The following SNRNP70 variants were observed in gnomAD, a reference collection of about 807,000 sequenced individuals.
SNRNP70 encodes the protein small nuclear ribonucleoprotein U1 subunit 70.
Under a neutral mutation model 50.5 loss-of-function variants are expected in SNRNP70, and 8 were observed. The observed-to-expected ratio is 0.16, with a 90% CI of 0.09 to 0.29. The LOEUF (loss-of-function observed/expected upper bound fraction) is 0.29. Ranked by LOEUF, SNRNP70 falls within the 10% of genes least tolerant of loss-of-function variation. SNRNP70 has a pLI of 1.00. For missense variants in SNRNP70, 529 were observed against 663.5 expected (o/e 0.80, Z 2.23); for synonymous variants, 320 against 252.9 (o/e 1.27, Z -2.52).
intron 4 of SNRNP70, among the ~76,000 whole-genome samples, chr19:49,091,326 G>GA (rs2040444637): frequency 6.6e-6 from 1 of 151,378 alleles, no homozygotes; most frequent in Non-Finnish European, 1.5e-5. Flanking sequence ...CCGGGATCGC[G>GA]TCGGCTCACT....
At position 49,107,609 on chromosome 19, in the gene SNRNP70, G is replaced by C. The variant is rs1324755571; in HGVS notation, c.578-16G>C. 1 of 1,612,822 alleles carries C rather than the reference G, an allele frequency of 6.2e-7. No individual in the cohort carries two copies. The highest frequency in any genetic ancestry group is 1.1e-5 in the South Asian group (1 of 91,032). ...CCCTGCCCAGATTCACCCTCTGTCC[G>C]TCTGCCCTGCCCCAGGAGGAGGCCT... On this transcript the variant is annotated splice_polypyrimidine_tract_variant and intron_variant, in intron 8 of 9. Transcript: ENST00000598441. The surrounding 1 kb of genome is among the most constrained non-coding windows in gnomAD (Gnocchi z 6.0).
intron 7 of SNRNP70, among the ~76,000 whole-genome samples, chr19:49,101,926 C>T (rs934203820): frequency 2.6e-5 from 4 of 151,524 alleles, no homozygotes; most frequent in Admixed American, 6.6e-5. Context: ...CCAACCCTGG[C>T]CCCCCACCCT....
At chr19:49,095,176 G>A (rs957369373) in intron 4 of SNRNP70, among the ~76,000 whole-genome samples, 2 of 152,192 alleles carry the variant, frequency 1.3e-5, no homozygotes, top group Non-Finnish European at 2.9e-5. Context: ...CCCCCACCCC[G>A]GGTAAGCAAG....
chr19:49,099,838 C>G (rs2040559820), intron 6 of SNRNP70, among the ~76,000 whole-genome samples: 1 of 152,118 alleles, frequency 6.6e-6, no homozygotes, highest in Admixed American at 6.5e-5. Context: ...GGTCAGGAGG[C>G]AAGACCAGCC....
intron 4 of SNRNP70, among the ~76,000 whole-genome samples, chr19:49,092,544 G>A (rs1026505220): frequency 6.6e-6 from 1 of 152,108 alleles, no homozygotes; most frequent in Non-Finnish European, 1.5e-5. Flanking sequence ...GAGCAGCTGG[G>A]ACTACAGGCG....
At position 49,108,263 on chromosome 19, in the gene SNRNP70, C is replaced by G; in HGVS notation, c.1134C>G (p.His378Gln). The G allele has an allele frequency of 6.4e-7, 1 of 1,553,144 alleles. No homozygotes were observed. Among genetic ancestry groups the G allele is most frequent in the Middle Eastern group, 1.7e-4 (1 of 5,946 alleles). ...GTGACCGTGACCGTGACCGCGAGCACAAACGGGGGGAGCGGGGCAGTGAGC... is the reference window on the plus strand; with the variant it reads ...GTGACCGTGACCGTGACCGCGAGCAGAAACGGGGGGAGCGGGGCAGTGAGC... ...RDRDRDRDRE[H>Q]KRGERGSERG... The change falls in exon 10 of 10, where the codon CAC becomes CAG. Residue 378 changes from histidine (H) to glutamine (Q), a missense_variant. Transcript: ENST00000598441.
At chr19:49,098,781 G>A (rs2040544674) in intron 6 of SNRNP70, 77 bp downstream of exon 6, 1 of 1,188,950 alleles carries the variant, frequency 8.4e-7, no homozygotes, top group African/African-American at 1.5e-5. Context: ...AGGGAGAGAG[G>A]TCCCAGCCCT....
At chr19:49,096,258 T>C (rs1339071620) in intron 4 of SNRNP70, among the ~76,000 whole-genome samples, 2 of 151,632 alleles carry the variant, frequency 1.3e-5, no homozygotes, top group Non-Finnish European at 2.9e-5. Context: ...GGTTTCGCCA[T>C]GTTTGCCAGG....
chr19:49,099,794 C>T (rs2040559270), intron 6 of SNRNP70, among the ~76,000 whole-genome samples: 1 of 151,774 alleles, frequency 6.6e-6, no homozygotes, highest in Non-Finnish European at 1.5e-5. Context: ...TGTAATCCCA[C>T]ATGTTGGGAG....
At chr19:49,100,810 A>G (rs75371808) in intron 6 of SNRNP70, among the ~76,000 whole-genome samples, 4 of 145,510 alleles carry the variant, frequency 2.7e-5, no homozygotes, top group African/African-American at 1.0e-4. Flanking sequence ...TGTCTCCAAA[A>G]AAAAAAAAAA....
intron 2 of SNRNP70, among the ~76,000 whole-genome samples, chr19:49,087,083 G>A (rs2040390858): frequency 6.6e-6 from 1 of 150,998 alleles, no homozygotes; most frequent in South Asian, 2.1e-4. Flanking sequence ...GGGAGGCTGA[G>A]GCACGGGAAT....
At position 49,107,224 on chromosome 19, in the gene SNRNP70, T is replaced by C. The variant is rs2040682599; in HGVS notation, c.578-401T>C. 6.6e-6 allele frequency among the ~76,000 whole-genome samples: 1 copy of C among 152,184 alleles called. No individual in the cohort carries two copies. Among genetic ancestry groups the C allele is most frequent in the Non-Finnish European group, 1.5e-5 (1 of 68,026 alleles). On this transcript the variant is annotated intron_variant, in intron 8 of 9. Coordinates refer to ENST00000598441, the MANE Select transcript of SNRNP70 (RefSeq NM_003089.6). This position sits in a 1 kb window ranked among gnomAD's most constrained non-coding sequence, Gnocchi z 6.0. ...CTCTACCACCAGTTGACGAGGAGTT[T>C]GGACCTTAGGCTGGGGGACGCCAGC...
At chr19:49,096,985 C>T (rs1045483868) in intron 4 of SNRNP70, among the ~76,000 whole-genome samples, 8 of 152,006 alleles carry the variant, frequency 5.3e-5, no homozygotes, top group African/African-American at 9.7e-5. Flanking sequence ...CAAAAATTAG[C>T]TGGATGTGGT....
chr19:49,091,814 A>G (rs942658400), intron 4 of SNRNP70, among the ~76,000 whole-genome samples: 2 of 152,180 alleles, frequency 1.3e-5, no homozygotes, highest in African/African-American at 4.8e-5. Context: ...TCTCAGACTC[A>G]GTGTCCAAAC....
At chr19:49,086,616 G>A (rs1205881403) in intron 2 of SNRNP70, 55 bp downstream of exon 2, 26 of 1,549,460 alleles carry the variant, frequency 1.7e-5, no homozygotes, top group Non-Finnish European at 2.0e-5. Context: ...CAACGGGTTG[G>A]ATTTGCGAGT....
At position 49,104,140 on chromosome 19, in the gene SNRNP70, CA is replaced by C. The variant is rs111530891; in HGVS notation, c.476-486del. ...TGTTCCCCCCACACTCACCCCCCTC[CA>C]AAAAAAACAAAAACAGAAAAAACCG... On this transcript the variant is annotated intron_variant, in intron 7 of 9. Coordinates refer to ENST00000598441, the MANE Select transcript of SNRNP70 (RefSeq NM_003089.6). This position sits in a 1 kb window ranked among gnomAD's most constrained non-coding sequence, Gnocchi z 5.4. 7 of 152,366 alleles carry C rather than the reference CA, an allele frequency of 4.6e-5. No individual in the cohort carries two copies. Among genetic ancestry groups the C allele is most frequent in the Non-Finnish European group, 7.2e-5 (5 of 68,982 alleles). 9.4% of individuals were successfully genotyped at this position (152,366 alleles called of 1,614,324 possible).
At position 49,099,857 on chromosome 19, in the gene SNRNP70, A is replaced by G. The variant is rs189756726; in HGVS notation, c.393+1153A>G. Among the ~76,000 whole-genome samples the G allele has an allele frequency of 4.0e-3, 612 of 152,350 alleles. 3 individuals are homozygous for G. Among genetic ancestry groups the G allele is most frequent in the African/African-American group, 0.014 (583 of 41,584 alleles). On this transcript the variant is annotated intron_variant, in intron 6 of 9. Coordinates refer to ENST00000598441, the MANE Select transcript of SNRNP70 (RefSeq NM_003089.6). ...AGGAGGCAAGACCAGCCTGGCCAAC[A>G]TGGCGAAACCCCGTCTCTACAAAAA...
At position 49,104,464 on chromosome 19, in the gene SNRNP70, C is replaced by A. The variant is rs755296344; in HGVS notation, c.476-170C>A. On this transcript the variant is annotated intron_variant, in intron 7 of 9. Coordinates refer to ENST00000598441, the MANE Select transcript of SNRNP70 (RefSeq NM_003089.6). This position sits in a 1 kb window ranked among gnomAD's most constrained non-coding sequence, Gnocchi z 5.4. ...ACGCTGAGATGGAGCAGGCCCTTCA[C>A]CGGTTTGGGAGAGGGTTGGTCTGGC... 1.6e-6 allele frequency: 1 copy of A among 614,066 alleles called. No homozygotes were observed. Among genetic ancestry groups the A allele is most frequent in the Non-Finnish European group, 3.0e-6 (1 of 337,874 alleles). The allele number at this position is 614,066 out of a possible 1,614,324, so 38.0% of individuals were successfully genotyped here.
At chr19:49,096,077 GT>G (rs201425300) in intron 4 of SNRNP70, among the ~76,000 whole-genome samples, 173 of 138,232 alleles carry the variant, frequency 1.3e-3, no homozygotes, top group African/African-American at 4.5e-3. Flanking sequence ...TTTGTTTTTT[GT>G]TTTTTTTTTC....
Sources: allele counts gnomAD v4.1 joint callset (sites outside exome capture counted in the v4.1 genomes callset), GRCh38; gene constraint gnomAD v4.1.1; non-coding constraint Gnocchi (gnomAD v3.1); transcripts MANE v1.5; gene names NCBI Gene and HGNC (gene_info 2026-07-23, HGNC 2026-07-21).